The following IQCK variants were observed in gnomAD, a reference collection of about 807,000 sequenced individuals.
IQCK encodes the protein IQ motif containing K.
Under a neutral mutation model 28.1 loss-of-function variants are expected in IQCK, and 29 were observed. The ratio of observed to expected loss-of-function variants is 1.03; its 90% CI spans 0.77 to 1.41. IQCK has a LOEUF of 1.41. IQCK is among the 40% of genes most tolerant of loss of function. IQCK has a pLI of 0.00. For synonymous variants in IQCK, 113 were observed against 115.1 expected (o/e 0.98, Z 0.12); for missense variants, 359 against 314.7 (o/e 1.14, Z -1.07).
intron 4 of IQCK, among the ~76,000 whole-genome samples, chr16:19,743,969 TGTG>T (rs1467058263): frequency 6.6e-6 from 1 of 152,112 alleles, no homozygotes; most frequent in Admixed American, 6.5e-5. Flanking sequence ...ACATCTATTG[TGTG>T]GTGTGTGGTG....
intron 7 of IQCK, among the ~76,000 whole-genome samples, chr16:19,813,116 C>G (rs1039832433): frequency 1.3e-5 from 2 of 152,132 alleles, no homozygotes; most frequent in Non-Finnish European, 2.9e-5. Context: ...ATAGACACAG[C>G]TGGAGAAGTA....
intron 1 of IQCK, among the ~76,000 whole-genome samples, chr16:19,729,904 A>G (rs934774658): frequency 8.6e-5 from 13 of 151,836 alleles, no homozygotes; most frequent in African/African-American, 2.9e-4. Flanking sequence ...TCTGCCTCCC[A>G]AAGTGTTGGG....
chr16:19,822,448 A>G (rs1278995242), intron 7 of IQCK, among the ~76,000 whole-genome samples: 1 of 152,066 alleles, frequency 6.6e-6, no homozygotes, highest in African/African-American at 2.4e-5. Context: ...ATAAAAATAA[A>G]TGTCCTATAC....
intron 6 of IQCK, among the ~76,000 whole-genome samples, chr16:19,774,451 G>A (rs1162474981): frequency 1.6e-5 from 2 of 128,286 alleles, no homozygotes; most frequent in African/African-American, 6.2e-5. Flanking sequence ...TCTGTTGCTC[G>A]GGCTGGAGTG....
chr16:19,846,539 CTT>C (rs1438232295), intron 9 of IQCK, among the ~76,000 whole-genome samples: 1 of 152,192 alleles, frequency 6.6e-6, no homozygotes, highest in Non-Finnish European at 1.5e-5. Context: ...TTCAAGGAGA[CTT>C]TGCTCTGGAT....
chr16:19,832,906 A>C (rs1229659548), intron 9 of IQCK, among the ~76,000 whole-genome samples: 1 of 152,168 alleles, frequency 6.6e-6, no homozygotes, highest in Non-Finnish European at 1.5e-5. Context: ...TCATAAGAAC[A>C]GTATGGGGGA....
At chr16:19,733,585 C>G in intron 2 of IQCK, 113 bp from the exon 3 acceptor site, 1 of 1,228,828 alleles carries the variant, frequency 8.1e-7, no homozygotes, top group African/African-American at 1.5e-5. Context: ...CAGCGTACCC[C>G]CTTGAACCTT....
chr16:19,827,437 C>CT (rs1252075458), downstream of IQCK, among the ~76,000 whole-genome samples: 4 of 152,200 alleles, frequency 2.6e-5, no homozygotes, highest in Admixed American at 2.6e-4. Context: ...AACACAGTGT[C>CT]TATCAGTATG....
intron 4 of IQCK, among the ~76,000 whole-genome samples, chr16:19,743,387 TG>T (rs2054864389): frequency 6.6e-6 from 1 of 152,216 alleles, no homozygotes; most frequent in African/African-American, 2.4e-5. Context: ...TCCCTGGAGC[TG>T]GAGCTGGGCA....
intron 9 of IQCK, among the ~76,000 whole-genome samples, chr16:19,834,415 T>C (rs954431010): frequency 6.6e-6 from 1 of 152,184 alleles, no homozygotes; most frequent in African/African-American, 2.4e-5. Context: ...CCAAAGAGGC[T>C]AGAGCCATCC....
At chr16:19,835,680 G>T (rs928275983) in intron 9 of IQCK, among the ~76,000 whole-genome samples, 3 of 151,668 alleles carry the variant, frequency 2.0e-5, no homozygotes, top group Admixed American at 1.3e-4. Context: ...CACCTCCCGG[G>T]TTCAAGTGAT....
rs552673949 is a variant in IQCK at position 19,765,049 on chromosome 16, C to T, written c.605+937C>T. 8.7e-3 allele frequency among the ~76,000 whole-genome samples: 1,278 copies of T among 146,274 alleles called. 22 individuals are homozygous for T. The highest frequency in any genetic ancestry group is 0.03 in the African/African-American group (1,217 of 40,154). ...CATCCTGGCTAACACAGTGAAACCC[C>T]GTCTCTACTAAAAATACAAAAAATT... On this transcript the variant is annotated intron_variant, in intron 6 of 7. Transcript: ENST00000564186.
chr16:19,832,586 C>T (rs1169214827), intron 9 of IQCK, among the ~76,000 whole-genome samples: 1 of 152,096 alleles, frequency 6.6e-6, no homozygotes, highest in Non-Finnish European at 1.5e-5. Context: ...AAATACTTAA[C>T]TTCAAGGCCT....
intron 1 of IQCK, among the ~76,000 whole-genome samples, chr16:19,721,354 C>G (rs988253111): frequency 1.3e-5 from 2 of 152,188 alleles, no homozygotes; most frequent in African/African-American, 4.8e-5. Flanking sequence ...CTGACTAGTG[C>G]TCTTTTGTAT....
intron 9 of IQCK, among the ~76,000 whole-genome samples, chr16:19,851,149 A>G (rs1301712175): frequency 1.3e-5 from 2 of 152,324 alleles, no homozygotes; most frequent in Non-Finnish European, 2.9e-5. Context: ...CTTAGGAGGC[A>G]GGTGCCATTC....
chr16:19,768,206 C>G (rs2055269692), intron 6 of IQCK, among the ~76,000 whole-genome samples: 1 of 152,008 alleles, frequency 6.6e-6, no homozygotes, highest in Non-Finnish European at 1.5e-5. Flanking sequence ...GATGTAGGTA[C>G]TAAAGCTGGG....
chr16:19,784,344 C>A (rs2055534145), intron 6 of IQCK, among the ~76,000 whole-genome samples: 1 of 152,168 alleles, frequency 6.6e-6, no homozygotes. Context: ...GTTTCCTGGG[C>A]AGTTTGCATT....
At chr16:19,811,198 G>A (rs1321110330) in intron 7 of IQCK, among the ~76,000 whole-genome samples, 1 of 152,052 alleles carries the variant, frequency 6.6e-6, no homozygotes, top group East Asian at 1.9e-4. Context: ...TTGAGCCCAG[G>A]AGGTTGAAGC....
chr16:19,725,791 A>G (rs1977634529), intron 1 of IQCK, among the ~76,000 whole-genome samples: 1 of 152,238 alleles, frequency 6.6e-6, no homozygotes, highest in African/African-American at 2.4e-5. Context: ...TCTTGAAGCT[A>G]AAGTATTTTC....
Sources: gnomAD v4.1 joint callset for allele counts (sites outside exome capture counted in the v4.1 genomes callset) on GRCh38, gnomAD v4.1.1 for gene constraint, MANE v1.5 for transcripts, NCBI Gene and HGNC (gene_info 2026-07-23, HGNC 2026-07-21) for gene names.